The following CACNA1I variants were observed in gnomAD, a reference collection of about 807,000 sequenced individuals.
The protein encoded by CACNA1I is calcium voltage-gated channel subunit alpha1 I, also known as voltage-dependent T-type calcium channel subunit alpha-1I.
A neutral mutation model predicts 201.6 loss-of-function variants in CACNA1I; 74 were observed. The observed-to-expected ratio is 0.37, with a 90% confidence interval of 0.30 to 0.45. CACNA1I has a LOEUF of 0.45. CACNA1I is among the 20% of genes least tolerant of loss of function. CACNA1I has a pLI of 1.00. For missense variants in CACNA1I, 2,346 were observed against 3,138.1 expected, an observed-to-expected ratio of 0.75 and a Z score of 6.03; for synonymous variants, 1,431 against 1,345.2, an observed-to-expected ratio of 1.06 and a Z score of -1.40.
intron 3 of CACNA1I, among the ~76,000 whole-genome samples, chr22:39,610,333 G>A (rs1313091130): frequency 6.6e-6 from 1 of 152,230 alleles, no homozygotes; most frequent in African/African-American, 2.4e-5. Context: ...GAGCTGGGGA[G>A]AGGATATCTG....
In CACNA1I at chr22:39,684,225, T is replaced by C. The variant is rs568382486; in HGVS notation, c.5831-77T>C. 7.8e-6 allele frequency: 10 copies of C among 1,286,360 alleles called. No individual in the cohort carries two copies. The highest frequency in any genetic ancestry group is 1.1e-5 in the Non-Finnish European group (10 of 904,194). 79.7% of individuals were successfully genotyped at this position (1,286,360 alleles called of 1,614,324 possible). ...CTCACTGCTGGCCCAGTGAGATTGG[T>C]GCTCAATGCCACCTTCCAGGGGCTG... On this transcript the variant is annotated intron_variant, in intron 35 of 36. Coordinates refer to ENST00000402142, the MANE Select transcript of CACNA1I (RefSeq NM_021096.4). The surrounding 1 kb of genome is among the most constrained non-coding windows in gnomAD (Gnocchi z 4.6).
chr22:39,636,341 C>G (rs1360635762), intron 5 of CACNA1I, among the ~76,000 whole-genome samples: 1 of 152,226 alleles, frequency 6.6e-6, no homozygotes, highest in Non-Finnish European at 1.5e-5. Context: ...GGTCCACCCC[C>G]ATCCCCGCCC....
chr22:39,609,020 T>C (rs1933305710), intron 3 of CACNA1I, among the ~76,000 whole-genome samples: 1 of 152,184 alleles, frequency 6.6e-6, no homozygotes, highest in Non-Finnish European at 1.5e-5. Flanking sequence ...GGCTGAGAGT[T>C]CCTTTTTTCC....
intron 1 of CACNA1I, among the ~76,000 whole-genome samples, chr22:39,582,772 C>T (rs1357098708): frequency 7.6e-6 from 1 of 130,790 alleles, no homozygotes; most frequent in Non-Finnish European, 1.6e-5. Context: ...CCCCCATACA[C>T]CCACCCACCC....
intron 11 of CACNA1I, 36 bp downstream of exon 11, chr22:39,658,339 C>T (rs1393502842): frequency 1.2e-6 from 2 of 1,600,288 alleles, no homozygotes; most frequent in Non-Finnish European, 1.7e-6. Context: ...AGCAGAGTGC[C>T]TCGGGGGGAC....
intron 10 of CACNA1I, among the ~76,000 whole-genome samples, chr22:39,651,193 C>T (rs761742822): frequency 1.2e-4 from 19 of 152,238 alleles, no homozygotes; most frequent in Middle Eastern, 3.4e-3. Context: ...GGGCCAGGTT[C>T]GAACCAACTT....
At position 39,633,182 on chromosome 22, in the gene CACNA1I, C is replaced by A. The variant is rs866538416; in HGVS notation, c.581-1383C>A. ...ACTCCCTCCCCATGACTTATCACAT[C>A]ATTCATTCATGAGTAGTCATTGAAC... On this transcript the variant is annotated intron_variant, in intron 4 of 36. Coordinates refer to ENST00000402142, the MANE Select transcript of CACNA1I (RefSeq NM_021096.4). Among the ~76,000 whole-genome samples, 6 of 152,242 alleles carry A rather than the reference C, an allele frequency of 3.9e-5. 1 individual carries two copies. The South Asian group carries it at 1.0e-3, about 26-fold the overall frequency.
chr22:39,683,698 ACCCCCCACG>A (rs1412054105), intron 35 of CACNA1I, among the ~76,000 whole-genome samples: 2 of 150,598 alleles, frequency 1.3e-5, no homozygotes, highest in Admixed American at 1.3e-4. Flanking sequence ...GGCTGCTGCT[ACCCCCCACG>A]CCCCCCACAC....
intron 31 of CACNA1I, 54 bp from the exon 32 acceptor site, chr22:39,679,053 A>T (rs1195125579): frequency 7.1e-7 from 1 of 1,417,360 alleles, no homozygotes; most frequent in East Asian, 2.5e-5. Flanking sequence ...CTCTGCCTCC[A>T]GCAGCCTCTG....
In CACNA1I at chr22:39,666,438, T is replaced by A. The variant is rs953889663; in HGVS notation, c.4104+432T>A. ...AGGCTGCGGTCGAGATGAAAGGATA[T>A]CAAGCCCTTGGCCCGGGGTGGTACT... On this transcript the variant is annotated intron_variant, in intron 23 of 36. Coordinates refer to ENST00000402142, the MANE Select transcript of CACNA1I (RefSeq NM_021096.4). This position sits in a 1 kb window ranked among gnomAD's most constrained non-coding sequence, Gnocchi z 4.1. Among the ~76,000 whole-genome samples, 2 of 152,136 alleles carry A rather than the reference T, an allele frequency of 1.3e-5. No homozygotes were observed. The highest frequency in any genetic ancestry group is 4.8e-5 in the African/African-American group (2 of 41,448).
At chr22:39,674,882 G>A (rs972066362) in intron 29 of CACNA1I, among the ~76,000 whole-genome samples, 2 of 152,224 alleles carry the variant, frequency 1.3e-5, no homozygotes, top group African/African-American at 4.8e-5. Context: ...TTCTTTCGGG[G>A]ACCGGGGCTA....
intron 8 of CACNA1I, among the ~76,000 whole-genome samples, chr22:39,647,398 C>T (rs912931546): frequency 2.6e-5 from 4 of 152,172 alleles, no homozygotes; most frequent in Non-Finnish European, 5.9e-5. Flanking sequence ...CTGTGCTTGT[C>T]GTGGGGCTGT....
chr22:39,673,164 G>C, intron 28 of CACNA1I, 82 bp downstream of exon 28: 1 of 655,998 alleles, frequency 1.5e-6, no homozygotes, highest in Admixed American at 2.5e-5. Flanking sequence ...GAACACACAG[G>C]AGTGGGGTGG....
chr22:39,679,360 G>C lies in CACNA1I; in HGVS notation c.5309G>C (p.Gly1770Ala). Residue 1770 changes from glycine to alanine, a missense_variant, in exon 32 of 37, where the codon GGC becomes GCC. This residue lies in a region of CACNA1I where 441 missense variants were observed against 555.6 expected (regional missense o/e 0.79). Coordinates refer to ENST00000402142, the MANE Select transcript of CACNA1I (RefSeq NM_021096.4). ...CCGAGGCTGCCTACCGGCTCCCCGG[G>C]CGCCCCTGGCCGAGGGCCGGGAGGG... Reference protein sequence around the residue: ...PGPRLPTGSPGAPGRGPGGAG... With the variant: ...PGPRLPTGSPAAPGRGPGGAG... 1 of 1,537,382 alleles carries C rather than the reference G, an allele frequency of 6.5e-7. No individual in the cohort carries two copies. The highest frequency in any genetic ancestry group is 8.7e-7 in the Non-Finnish European group (1 of 1,143,288).
At chr22:39,577,777 G>A (rs938332501) in intron 1 of CACNA1I, among the ~76,000 whole-genome samples, 5 of 152,160 alleles carry the variant, frequency 3.3e-5, no homozygotes, top group Non-Finnish European at 5.9e-5. Context: ...TTTAGGGTTG[G>A]CGTTAGGAGA....
At position 39,649,800 on chromosome 22, in the gene CACNA1I, G is replaced by C. The variant is rs548990169; in HGVS notation, c.1867G>C (p.Gly623Arg). 8.7e-6 allele frequency: 14 copies of C among 1,612,544 alleles called. No individual in the cohort carries two copies. The South Asian group carries it at 1.4e-4, about 16-fold the overall frequency. ...EQADGAVWLC[G>R]DVWRETRAKL... ...GGCGGATGGGGCGGTCTGGCTGTGC[G>C]GGGATGTGTGGCGGGAGACGCGAGC... The change falls in exon 10 of 37, where the codon GGG (glycine) becomes CGG (arginine). Residue 623 changes from glycine (G) to arginine (R), a missense_variant. Transcript: ENST00000402142. This position sits in a 1 kb window ranked among gnomAD's most constrained non-coding sequence, Gnocchi z 7.3.
intron 1 of CACNA1I, among the ~76,000 whole-genome samples, chr22:39,577,078 AG>A (rs2145799765): frequency 6.6e-6 from 1 of 152,090 alleles, no homozygotes; most frequent in East Asian, 1.9e-4. Flanking sequence ...CAGCCTCCTG[AG>A]TAGCTGGGAT....
intron 2 of CACNA1I, among the ~76,000 whole-genome samples, chr22:39,599,150 A>G (rs1327398718): frequency 2.1e-5 from 3 of 146,200 alleles, no homozygotes; most frequent in South Asian, 2.2e-4. Context: ...GGGTTTCACC[A>G]TGTTAGCCAG....
intron 25 of CACNA1I, 142 bp from the exon 26 acceptor site, chr22:39,670,661 C>T: frequency 2.6e-6 from 2 of 781,164 alleles, no homozygotes; most frequent in South Asian, 3.1e-5. Context: ...AGATCTAACA[C>T]TGATCCCAGG....
Sources: allele counts gnomAD v4.1 joint callset (sites outside exome capture counted in the v4.1 genomes callset), GRCh38; gene constraint gnomAD v4.1.1; regional missense constraint gnomAD v4.1.1; non-coding constraint Gnocchi (gnomAD v3.1); transcripts MANE v1.5; gene names NCBI Gene and HGNC (gene_info 2026-07-23, HGNC 2026-07-21).